Variants in ZC3H12A observed in about 807,000 individuals in gnomAD.
The protein encoded by ZC3H12A is endoribonuclease ZC3H12A.
ZC3H12A carries 9 observed loss-of-function variants against 29.9 expected under a neutral mutation model. The observed-to-expected ratio is 0.30, with a 90% CI of 0.18 to 0.53. The LOEUF is 0.53. Among genes scored for constraint, ZC3H12A ranks in the 20% least tolerant of loss-of-function variants. The pLI is 0.96. For missense variants in ZC3H12A, 617 were observed against 799.0 expected (o/e 0.77, Z 2.75); for synonymous variants, 323 against 338.1 (o/e 0.96, Z 0.49).
chr1:37,484,216 C>G lies in ZC3H12A; in HGVS notation c.*605C>G, dbSNP rs1641779897. ...GTCAAGGGCCCTCCGTCTACACCCT[C>G]TTCTTCTCCTCCATCCTTTATTCAG... is the stretch of plus-strand genomic sequence containing the variant. On this transcript the variant is annotated 3_prime_UTR_variant, in exon 6 of 6. Transcript: ENST00000373087. 6.6e-6 allele frequency: 1 copy of G among 152,368 alleles called. No individual in the cohort carries two copies. The highest frequency in any genetic ancestry group is 1.9e-4 in the East Asian group (1 of 5,198). 9.4% of individuals were successfully genotyped at this position (152,368 alleles called of 1,614,324 possible).
At chr1:37,482,067 T>TA (rs1641719227) in intron 4 of ZC3H12A, among the ~76,000 whole-genome samples, 1 of 152,138 alleles carries the variant, frequency 6.6e-6, no homozygotes, top group African/African-American at 2.4e-5. Flanking sequence ...ATTTGGGAGA[T>TA]AGAGCCGTAG....
intron 3 of ZC3H12A, 152 bp downstream of exon 3, chr1:37,480,581 C>A: frequency 8.7e-7 from 1 of 1,153,032 alleles, no homozygotes; most frequent in Non-Finnish European, 1.2e-6. Flanking sequence ...TAGCAACCTG[C>A]TCTGAATGGT....
chr1:37,475,855 A>G lies in ZC3H12A; in HGVS notation c.359A>G (p.Asn120Ser). The change falls in exon 2 of 6, where the codon AAC becomes AGC. Residue 120 changes from asparagine to serine, a missense_variant. Asn to Ser is a conservative substitution (Grantham distance 46). Around this residue, in one of 5 missense-constraint regions of ZC3H12A, gnomAD observed 255 missense variants for 402.5 expected, o/e 0.63. Coordinates refer to ENST00000373087, the MANE Select transcript of ZC3H12A (RefSeq NM_025079.3). This position sits in a 1 kb window ranked among gnomAD's most constrained non-coding sequence, Gnocchi z 5.2. The stretch of plus-strand genomic sequence containing the variant: ...GGTGGTGGCACCCCTAAGGCTCCCA[A>G]CCTGGAGCCTCCACTCCCAGAAGAG... ...PRGGGTPKAP[N>S]LEPPLPEEEK... is the part of the protein sequence containing the mutation. 5.7e-6 allele frequency: 9 copies of G among 1,577,922 alleles called. No individual in the cohort carries two copies. Among genetic ancestry groups the G allele is most frequent in the Non-Finnish European group, 7.8e-6 (9 of 1,160,664 alleles).
At position 37,479,561 on chromosome 1, in the gene ZC3H12A, G is replaced by A; in HGVS notation, c.444-729G>A. ...TGCCTTGGGGTGAAGAGGCATTTGG[G>A]GGAATTGCCATCTTGGGAGGAAAAG... On this transcript the variant is annotated intron_variant, in intron 2 of 5. Transcript: ENST00000373087. The surrounding 1 kb of genome is among the most constrained non-coding windows in gnomAD (Gnocchi z 4.5). The A allele has an allele frequency of 1.0e-6, 1 of 985,426 alleles. No homozygotes were observed. Among genetic ancestry groups the A allele is most frequent in the Middle Eastern group, 5.2e-4 (1 of 1,914 alleles). 61.0% of individuals were successfully genotyped at this position (985,426 alleles called of 1,614,324 possible). A position where few individuals can be genotyped will look rare whatever the true frequency, so the allele number is the denominator to read the frequency against.
In ZC3H12A at chr1:37,475,574, C is replaced by T. The variant is rs1641567266; in HGVS notation, c.78C>T (p.His26=). ...GTCTGTGGGAATTTGAGGACAGCCA[C>T]AGCCGTCAGGGCACCCCAAGGCCGG... is the stretch of plus-strand genomic sequence containing the variant. The part of the protein sequence containing the change: ...TMSLWEFEDS[H]SRQGTPRPGQ... Residue 26 remains histidine, a synonymous_variant, in exon 2 of 6, where the codon CAC becomes CAT. Transcript: ENST00000373087. This position sits in a 1 kb window ranked among gnomAD's most constrained non-coding sequence, Gnocchi z 5.2. The T allele has an allele frequency of 1.9e-6, 3 of 1,613,986 alleles. No homozygotes were observed. The highest frequency in any genetic ancestry group is 2.5e-6 in the Non-Finnish European group (3 of 1,180,034).
In ZC3H12A at chr1:37,483,688, C is replaced by A; in HGVS notation, c.*77C>A. On this transcript the variant is annotated 3_prime_UTR_variant, in exon 6 of 6. Coordinates refer to ENST00000373087, the MANE Select transcript of ZC3H12A (RefSeq NM_025079.3). ...CTGGGCTTTGGGCCATTGAGCAGCC[C>A]ATTCCCAGCCCTGAGGCCCACCCCA... The A allele has an allele frequency of 6.8e-7, 1 of 1,463,956 alleles. No homozygotes were observed. Among genetic ancestry groups the A allele is most frequent in the South Asian group, 1.4e-5 (1 of 72,020 alleles). The allele number at this position is 1,463,956 out of a possible 1,614,324, so 90.7% of individuals were successfully genotyped here.
chr1:37,480,423 A>G lies in ZC3H12A; in HGVS notation c.577A>G (p.Ile193Val), dbSNP rs1322777851. Residue 193 changes from isoleucine (I) to valine (V), a missense_variant, in exon 3 of 6, where the codon ATC becomes GTC. Ile to Val is a conservative substitution (Grantham distance 29). Transcript: ENST00000373087. ...RKEQPRPDVP[I>V]TDQHILRELE... Reference sequence around the variant, plus strand: ...GGAGCAGCCTCGGCCCGACGTGCCCATCACAGGTGAGTGGTGCCTCTGGAG... The same window carrying G: ...GGAGCAGCCTCGGCCCGACGTGCCCGTCACAGGTGAGTGGTGCCTCTGGAG... 1.9e-6 allele frequency: 3 copies of G among 1,612,028 alleles called. No individual in the cohort carries two copies. The highest frequency in any genetic ancestry group is 1.3e-5 in the African/African-American group (1 of 74,922).
At position 37,482,808 on chromosome 1, in the gene ZC3H12A, G is replaced by T. The variant is rs775244047; in HGVS notation, c.997G>T (p.Val333Leu). 1 of 1,614,058 alleles carries T rather than the reference G, an allele frequency of 6.2e-7. No homozygotes were observed. Among genetic ancestry groups the T allele is most frequent in the Non-Finnish European group, 8.5e-7 (1 of 1,180,022 alleles). ...GCGGCCAAGCTGCCCCCAGCGCTCT[G>T]TGGCAGATGAGCTCCGTGCCAATGC... ...PERPSCPQRS[V>L]ADELRANALL... The change falls in exon 6 of 6, where the codon GTG becomes TTG. Residue 333 changes from valine to leucine, a missense_variant. Physicochemically the swap from Val to Leu is conservative, Grantham distance 32 (BLOSUM62 1). Coordinates refer to ENST00000373087, the MANE Select transcript of ZC3H12A (RefSeq NM_025079.3).
In ZC3H12A at chr1:37,483,572, C is replaced by A; in HGVS notation, c.1761C>A (p.Ala587=). The A allele has an allele frequency of 1.2e-6, 2 of 1,611,978 alleles. No homozygotes were observed. The highest frequency in any genetic ancestry group is 4.5e-5 in the East Asian group (2 of 44,870). Reference sequence around the variant, plus strand: ...TCCTGGACCCCCAGCAGCTGGCTGCCGAGATCCTCTCCTACAAGTCCCAGC... The same window carrying A: ...TCCTGGACCCCCAGCAGCTGGCTGCAGAGATCCTCTCCTACAAGTCCCAGC... ...PQLLDPQQLA[A]EILSYKSQHP... The change falls in exon 6 of 6, where the codon GCC becomes GCA. Residue 587 remains alanine (A), a synonymous_variant. Coordinates refer to ENST00000373087, the MANE Select transcript of ZC3H12A (RefSeq NM_025079.3).
chr1:37,479,530 T>G lies in ZC3H12A; in HGVS notation c.444-760T>G. 1.0e-6 allele frequency: 1 copy of G among 985,394 alleles called. No individual in the cohort carries two copies. The highest frequency in any genetic ancestry group is 1.2e-6 in the Non-Finnish European group (1 of 829,912). 61.0% of individuals were successfully genotyped at this position (985,394 alleles called of 1,614,324 possible). On this transcript the variant is annotated intron_variant, in intron 2 of 5. Transcript: ENST00000373087. This position sits in a 1 kb window ranked among gnomAD's most constrained non-coding sequence, Gnocchi z 4.5. ...GAGTCCCCTAGCATCTTCCTGATGG[T>G]CTTTCTGCCTTGGGGTGAAGAGGCA...
At position 37,480,235 on chromosome 1, in the gene ZC3H12A, T is replaced by C. The variant is rs113879753; in HGVS notation, c.444-55T>C. 13 of 1,583,786 alleles carry C rather than the reference T, an allele frequency of 8.2e-6. No individual in the cohort carries two copies. The African/African-American group carries it at 1.7e-4, about 21-fold the overall frequency. On this transcript the variant is annotated intron_variant, in intron 2 of 5. Coordinates refer to ENST00000373087, the MANE Select transcript of ZC3H12A (RefSeq NM_025079.3). Reference sequence around the variant, plus strand: ...CCACCTCCCTCCTCCTGCTCAGGCCTAGGGGGTGGCAGGCTGGCCATCAGT... The same window carrying C: ...CCACCTCCCTCCTCCTGCTCAGGCCCAGGGGGTGGCAGGCTGGCCATCAGT...
rs368528844 is a variant in ZC3H12A, at chr1:37,480,448, G to A, written c.583+19G>A. 43 of 1,605,954 alleles carry A rather than the reference G, an allele frequency of 2.7e-5. No individual in the cohort carries two copies. In the African/African-American group the frequency reaches 4.5e-4, roughly 17 times the overall value. ...ATCACAGGTGAGTGGTGCCTCTGGA[G>A]GTGGGATGGTCTTACTGCCCCAGCA... On this transcript the variant is annotated intron_variant, in intron 3 of 5. Coordinates refer to ENST00000373087, the MANE Select transcript of ZC3H12A (RefSeq NM_025079.3).
Position 37,482,795 on chromosome 1 carries a change from C to T in ZC3H12A, c.984C>T (p.Cys328=). The change falls in exon 6 of 6, where the codon TGC becomes TGT. Residue 328 remains cysteine, a synonymous_variant. Transcript: ENST00000373087. ...CRFFHPERPS[C]PQRSVADELR... ...TCTTCCACCCAGAGCGGCCAAGCTG[C>T]CCCCAGCGCTCTGTGGCAGATGAGC... 6.2e-7 allele frequency: 1 copy of T among 1,614,090 alleles called. No individual in the cohort carries two copies. The highest frequency in any genetic ancestry group is 8.5e-7 in the Non-Finnish European group (1 of 1,180,020).
At chr1:37,477,265 G>T (rs775143717) in intron 2 of ZC3H12A, among the ~76,000 whole-genome samples, 20 of 152,186 alleles carry the variant, frequency 1.3e-4, no homozygotes, top group Non-Finnish European at 2.9e-5. Context: ...GGCCAGGAGC[G>T]GCTGAGCCCT....
In ZC3H12A at chr1:37,475,511, T is replaced by C. The variant is rs1270234882; in HGVS notation, c.15T>C (p.Cys5=). The change falls in exon 2 of 6, where the codon TGT becomes TGC. Residue 5 remains cysteine, a synonymous_variant. Coordinates refer to ENST00000373087, the MANE Select transcript of ZC3H12A (RefSeq NM_025079.3). This position sits in a 1 kb window ranked among gnomAD's most constrained non-coding sequence, Gnocchi z 5.2. MSGP[C]GEKPVLEASP... ...GAGTCTGAGCTATGAGTGGCCCCTG[T>C]GGAGAGAAGCCTGTCCTGGAAGCCA... The C allele has an allele frequency of 1.9e-6, 3 of 1,608,692 alleles. No individual in the cohort carries two copies. The highest frequency in any genetic ancestry group is 2.5e-6 in the Non-Finnish European group (3 of 1,177,470).
intron 3 of ZC3H12A, among the ~76,000 whole-genome samples, chr1:37,480,740 C>A (rs1307034213): frequency 6.6e-6 from 1 of 152,204 alleles, no homozygotes; most frequent in Non-Finnish European, 1.5e-5. Flanking sequence ...TGAGTCGAGA[C>A]AGCCAGAGTT....
chr1:37,481,837 T>G lies in ZC3H12A; in HGVS notation c.818+2T>G. On this transcript the variant is annotated splice_donor_variant, in intron 4 of 5. Coordinates refer to ENST00000373087, the MANE Select transcript of ZC3H12A (RefSeq NM_025079.3). LOFTEE classifies it high-confidence loss of function. ...CATGTACTCCTTCGTCAATGACAAGTATGTTCCCTCCCAGAGGCCCTGACA... is the reference window on the plus strand; with the variant it reads ...CATGTACTCCTTCGTCAATGACAAGGATGTTCCCTCCCAGAGGCCCTGACA... 1 of 1,612,594 alleles carries G rather than the reference T, an allele frequency of 6.2e-7. No individual in the cohort carries two copies. The highest frequency in any genetic ancestry group is 8.5e-7 in the Non-Finnish European group (1 of 1,179,260).
At chr1:37,481,929 C>T (rs1430794756) in intron 4 of ZC3H12A, 94 bp downstream of exon 4, 18 of 1,330,900 alleles carry the variant, frequency 1.4e-5, no homozygotes, top group Middle Eastern at 2.0e-4. Flanking sequence ...CTGGGCTCTG[C>T]GGGGCCCTGT....
In ZC3H12A at chr1:37,483,567, G is replaced by A; in HGVS notation, c.1756G>A (p.Ala586Thr). Residue 586 changes from alanine (A) to threonine (T), a missense_variant, in exon 6 of 6, where the codon GCT becomes ACT. Around this residue, in one of 5 missense-constraint regions of ZC3H12A, gnomAD observed 172 missense variants for 203.1 expected, o/e 0.85. Coordinates refer to ENST00000373087, the MANE Select transcript of ZC3H12A (RefSeq NM_025079.3). ...ACAGCTCCTGGACCCCCAGCAGCTGGCTGCCGAGATCCTCTCCTACAAGTC... is the reference window on the plus strand; with the variant it reads ...ACAGCTCCTGGACCCCCAGCAGCTGACTGCCGAGATCCTCTCCTACAAGTC... ...FPQLLDPQQL[A>T]AEILSYKSQH... is the part of the protein sequence containing the mutation. 3 of 1,612,556 alleles carry A rather than the reference G, an allele frequency of 1.9e-6. No individual in the cohort carries two copies. Among genetic ancestry groups the A allele is most frequent in the Non-Finnish European group, 2.5e-6 (3 of 1,179,712 alleles).
Sources: allele counts gnomAD v4.1 joint callset (sites outside exome capture counted in the v4.1 genomes callset), GRCh38; gene constraint gnomAD v4.1.1; regional missense constraint gnomAD v4.1.1; non-coding constraint Gnocchi (gnomAD v3.1); transcripts MANE v1.5; gene names NCBI Gene and HGNC (gene_info 2026-07-23, HGNC 2026-07-21).